The following RAD23B variants were observed in gnomAD, a reference collection of about 807,000 sequenced individuals.
RAD23B encodes lysine-specific demethylase RAD23B.
A neutral mutation model predicts 49.1 loss-of-function variants in RAD23B; 5 were observed. The ratio of observed to expected loss-of-function variants is 0.10; its 90% CI spans 0.05 to 0.21. The LOEUF (loss-of-function observed/expected upper bound fraction) is 0.21, where lower values mean the gene tolerates loss of function less well. Ranked by LOEUF, RAD23B falls within the 10% of genes least tolerant of loss-of-function variation. RAD23B has a pLI of 1.00. For synonymous variants in RAD23B, 184 were observed against 165.4 expected (o/e 1.11, Z -0.86); for missense variants, 356 against 486.7 (o/e 0.73, Z 2.53).
chr9:107,289,776 G>A (rs1221326080), intron 1 of RAD23B, among the ~76,000 whole-genome samples: 3 of 152,162 alleles, frequency 2.0e-5, no homozygotes, highest in South Asian at 4.1e-4. Context: ...TAACTTATTG[G>A]TATATGGGTT....
intron 9 of RAD23B, among the ~76,000 whole-genome samples, chr9:107,328,423 G>A (rs34692233): frequency 0.036 from 5,417 of 152,088 alleles, 139 homozygotes; most frequent in Non-Finnish European, 0.047. Context: ...GGGGTGGGGC[G>A]GTGGTTTTGG....
intron 3 of RAD23B, among the ~76,000 whole-genome samples, chr9:107,306,175 A>G (rs575319768): frequency 2.6e-5 from 4 of 151,026 alleles, no homozygotes; most frequent in South Asian, 2.1e-4. Context: ...TAAGATTAAC[A>G]TACGCTGTCA....
chr9:107,330,361 A>T lies in RAD23B; in HGVS notation c.*705A>T, dbSNP rs1669021822. 2 of 149,728 alleles carry T rather than the reference A, an allele frequency of 1.3e-5. No individual in the cohort carries two copies. The highest frequency in any genetic ancestry group is 4.9e-5 in the African/African-American group (2 of 40,716). 9.3% of individuals were successfully genotyped at this position (149,728 alleles called of 1,614,324 possible). ...TAGGCAGAGTTATTTTCCTGTTTAC[A>T]TTTTTTTTTTGTTTTGGGGAAAAAA... is the stretch of plus-strand genomic sequence containing the variant. On this transcript the variant is annotated 3_prime_UTR_variant, in exon 10 of 10. Transcript: ENST00000358015. The surrounding 1 kb of genome is among the most constrained non-coding windows in gnomAD (Gnocchi z 4.4).
Position 107,283,482 on chromosome 9 carries a change from T to C in RAD23B, c.-148T>C. ...CGGGCTGGGGGAGAGGCCGCTCCGCTGGGCGAATGTGACAAGCCCCCACCC... is the reference window on the plus strand; with the variant it reads ...CGGGCTGGGGGAGAGGCCGCTCCGCCGGGCGAATGTGACAAGCCCCCACCC... On this transcript the variant is annotated 5_prime_UTR_variant, in exon 1 of 10. Coordinates refer to ENST00000358015, the MANE Select transcript of RAD23B (RefSeq NM_002874.5). 1.9e-6 allele frequency: 1 copy of C among 526,482 alleles called. No individual in the cohort carries two copies. The highest frequency in any genetic ancestry group is 2.0e-5 in the African/African-American group (1 of 49,992). 32.6% of individuals were successfully genotyped at this position (526,482 alleles called of 1,614,324 possible). A position where few individuals can be genotyped will look rare whatever the true frequency, so the allele number is the denominator to read the frequency against.
chr9:107,323,470 T>G (rs1827146260), intron 7 of RAD23B, among the ~76,000 whole-genome samples: 1 of 152,050 alleles, frequency 6.6e-6, no homozygotes, highest in Non-Finnish European at 1.5e-5. Context: ...CTTTTAGGGG[T>G]TTTCATTGTT....
At chr9:107,315,785 A>G (rs1371257809) in intron 5 of RAD23B, among the ~76,000 whole-genome samples, 1 of 152,064 alleles carries the variant, frequency 6.6e-6, no homozygotes, top group Non-Finnish European at 1.5e-5. Flanking sequence ...GAGTGCTGGG[A>G]TTACAGGTGC....
In RAD23B at chr9:107,329,895, T is replaced by C; in HGVS notation, c.*239T>C. 3.5e-6 allele frequency: 1 copy of C among 284,058 alleles called. No individual in the cohort carries two copies. Among genetic ancestry groups the C allele is most frequent in the Non-Finnish European group, 6.5e-6 (1 of 153,810 alleles). The allele number at this position is 284,058 out of a possible 1,614,324, so 17.6% of individuals were successfully genotyped here. ...AAAATATATACAACCAAAAATCAGC[T>C]TTTGCAGGTCTTTATTTCTTCTGTA... On this transcript the variant is annotated 3_prime_UTR_variant, in exon 10 of 10. Coordinates refer to ENST00000358015, the MANE Select transcript of RAD23B (RefSeq NM_002874.5).
chr9:107,293,214 G>A (rs1833419201), intron 1 of RAD23B, among the ~76,000 whole-genome samples: 1 of 152,156 alleles, frequency 6.6e-6, no homozygotes, highest in Non-Finnish European at 1.5e-5. Flanking sequence ...AGAAACGATG[G>A]CTTTTATATA....
At chr9:107,290,268 C>A (rs138514171) in intron 1 of RAD23B, among the ~76,000 whole-genome samples, 5 of 152,296 alleles carry the variant, frequency 3.3e-5, no homozygotes, top group African/African-American at 1.2e-4. Flanking sequence ...GCAGGTCCTT[C>A]CACTTTTCCA....
intron 4 of RAD23B, among the ~76,000 whole-genome samples, chr9:107,308,686 C>G (rs752713529): frequency 3.3e-5 from 5 of 152,152 alleles, no homozygotes; most frequent in Admixed American, 6.5e-5. Flanking sequence ...CTTAGTTGGA[C>G]TTTGTACACC....
intron 1 of RAD23B, among the ~76,000 whole-genome samples, chr9:107,289,597 C>A (rs11573624): frequency 5.9e-5 from 9 of 152,132 alleles, no homozygotes; most frequent in African/African-American, 1.9e-4. Context: ...TAAGTAATTG[C>A]AGCTTGAACC....
chr9:107,321,063 C>T (rs922847843), intron 6 of RAD23B, among the ~76,000 whole-genome samples: 9 of 152,098 alleles, frequency 5.9e-5, no homozygotes, highest in African/African-American at 2.2e-4. Flanking sequence ...CAATCATGTG[C>T]ATCAAAATAG....
rs555942529 is a variant in RAD23B at position 107,327,940 on chromosome 9, C to A, written c.1117-1603C>A. ...CCTGAACCCTTTTTATCATAAAATG[C>A]CTTTTGTCTATAGTAACAATTTTTA... On this transcript the variant is annotated intron_variant, in intron 9 of 9. Coordinates refer to ENST00000358015, the MANE Select transcript of RAD23B (RefSeq NM_002874.5). Among the ~76,000 whole-genome samples the A allele has an allele frequency of 2.0e-5, 3 of 152,110 alleles. No individual in the cohort carries two copies. In the South Asian group the frequency reaches 6.2e-4, roughly 32 times the overall value.
intron 3 of RAD23B, among the ~76,000 whole-genome samples, chr9:107,305,876 G>A (rs1378027539): frequency 2.6e-5 from 4 of 151,908 alleles, no homozygotes; most frequent in South Asian, 2.1e-4. Flanking sequence ...TTGGGAGCCC[G>A]TGGTGGGAGG....
rs752123015 is a variant in RAD23B, at chr9:107,305,125, C to CA, written c.229-1242dup. 7.9e-3 allele frequency among the ~76,000 whole-genome samples: 1,075 copies of CA among 136,434 alleles called. 21 individuals carry two copies. In the South Asian group the frequency reaches 0.084, roughly 11 times the overall value. 89.5% of individuals were successfully genotyped at this position (136,434 alleles called of 152,430 possible). ...GTAACATGGCGAAACCTTGTCTCTA[C>CA]AAAAAAAAAAAATACAAAAATTTAG... is the stretch of plus-strand genomic sequence containing the variant. On this transcript the variant is annotated intron_variant, in intron 3 of 9. Transcript: ENST00000358015.
intron 3 of RAD23B, among the ~76,000 whole-genome samples, chr9:107,303,694 A>G (rs757607590): frequency 1.3e-4 from 20 of 152,164 alleles, no homozygotes; most frequent in Non-Finnish European, 1.9e-4. Flanking sequence ...TCATCTGTCT[A>G]TGTTATAGCT....
intron 1 of RAD23B, among the ~76,000 whole-genome samples, chr9:107,299,635 T>A (rs1826607045): frequency 1.3e-5 from 2 of 152,152 alleles, no homozygotes; most frequent in Admixed American, 1.3e-4. Context: ...AAGGTCCCAC[T>A]CTCAGAGATT....
intron 4 of RAD23B, among the ~76,000 whole-genome samples, chr9:107,310,855 T>G (rs1826875563): frequency 6.6e-6 from 1 of 152,162 alleles, no homozygotes; most frequent in Non-Finnish European, 1.5e-5. Flanking sequence ...TTAAGTAATT[T>G]ATGCATCCAA....
chr9:107,298,346 C>T (rs1326830047), intron 1 of RAD23B, among the ~76,000 whole-genome samples: 1 of 152,010 alleles, frequency 6.6e-6, no homozygotes. Flanking sequence ...CAGATTCTCA[C>T]TCTGTCACCC....
Sources: gnomAD v4.1 joint callset for allele counts (sites outside exome capture counted in the v4.1 genomes callset) on GRCh38, gnomAD v4.1.1 for gene constraint, Gnocchi (gnomAD v3.1) non-coding constraint, MANE v1.5 for transcripts, NCBI Gene and HGNC (gene_info 2026-07-23, HGNC 2026-07-21) for gene names.